The following TRPC3 variants were observed in gnomAD, a reference collection of about 807,000 sequenced individuals.
TRPC3 encodes the protein short transient receptor potential channel 3.
In TRPC3, 54 loss-of-function variants were observed where a neutral mutation model predicts 90.9. That is an observed-to-expected ratio of 0.59 (90% CI 0.48 to 0.75). TRPC3 has a LOEUF of 0.75. Ranked by LOEUF, TRPC3 falls within the 30% of genes least tolerant of loss-of-function variation. TRPC3 has a pLI of 0.00. For missense variants in TRPC3, 918 were observed against 1,194.5 expected (o/e 0.77, Z 3.41); for synonymous variants, 424 against 450.9 (o/e 0.94, Z 0.75).
At chr4:121,897,959 G>T (rs182861062) in intron 10 of TRPC3, among the ~76,000 whole-genome samples, 1 of 152,144 alleles carries the variant, frequency 6.6e-6, no homozygotes, top group East Asian at 1.9e-4. Flanking sequence ...ACAACGGAAT[G>T]CAATTCAGCT....
At chr4:121,908,596 A>T (rs1209040428) in intron 6 of TRPC3, among the ~76,000 whole-genome samples, 1 of 152,180 alleles carries the variant, frequency 6.6e-6, no homozygotes, top group African/African-American at 2.4e-5. Context: ...ATGCAGCTGG[A>T]GGCCATTATC....
rs1311377991 is a variant in TRPC3 at position 121,951,777 on chromosome 4, C to A, written c.-97G>T. The A allele has an allele frequency of 7.4e-6, 8 of 1,076,716 alleles. No homozygotes were observed. The highest frequency in any genetic ancestry group is 3.5e-5 in the South Asian group (1 of 28,230). The allele number at this position is 1,076,716 out of a possible 1,614,324, so 66.7% of individuals were successfully genotyped here. ...CCCGCGGCGCCCCTTCACCACCTCC[C>A]GCGGCTTCCGGGGCCCCGGGCGGCC... On this transcript the variant is annotated 5_prime_UTR_variant, in exon 1 of 12. Coordinates refer to ENST00000379645, the MANE Select transcript of TRPC3 (RefSeq NM_001130698.2). The surrounding 1 kb of genome is among the most constrained non-coding windows in gnomAD (Gnocchi z 4.4).
Position 121,875,925 on chromosome 4 carries a change from T to C in TRPC3, c.*3811A>G, listed in dbSNP as rs2706800. ...TTTTTTTTTTTTTTTTTGTGGGGGG[T>C]GGTTCACTTTGTCACCCAGGCTGGA... On this transcript the variant is annotated 3_prime_UTR_variant, in exon 12 of 12. Coordinates refer to ENST00000379645, the MANE Select transcript of TRPC3 (RefSeq NM_001130698.2). Among the ~76,000 whole-genome samples the C allele has an allele frequency of 1.1e-5, 1 of 87,472 alleles. No individual in the cohort carries two copies. Among genetic ancestry groups the C allele is most frequent in the Non-Finnish European group, 2.3e-5 (1 of 43,842 alleles). The allele number at this position is 87,472 out of a possible 152,430, so 57.4% of individuals were successfully genotyped here.
chr4:121,884,641 G>A (rs940533494), intron 10 of TRPC3, among the ~76,000 whole-genome samples: 1 of 152,194 alleles, frequency 6.6e-6, no homozygotes, highest in Non-Finnish European at 1.5e-5. Flanking sequence ...GATTCAAAAT[G>A]TTATGCAGAG....
chr4:121,919,743 C>T (rs1461324351), intron 3 of TRPC3, among the ~76,000 whole-genome samples: 1 of 152,168 alleles, frequency 6.6e-6, no homozygotes, highest in Non-Finnish European at 1.5e-5. Flanking sequence ...GGCTTTTCTA[C>T]ATTTAAATCT....
chr4:121,947,085 A>C (rs1730516904), intron 1 of TRPC3, among the ~76,000 whole-genome samples: 1 of 150,554 alleles, frequency 6.6e-6, no homozygotes, highest in Admixed American at 6.7e-5. Flanking sequence ...TGGGAGGCTA[A>C]GATTTGAGGA....
intron 1 of TRPC3, among the ~76,000 whole-genome samples, chr4:121,935,736 GT>G (rs1261719588): frequency 6.6e-6 from 1 of 151,922 alleles, no homozygotes; most frequent in African/African-American, 2.4e-5. Context: ...ACTCAGAGGG[GT>G]TACCTTTGGG....
intron 2 of TRPC3, among the ~76,000 whole-genome samples, chr4:121,931,598 A>G (rs1172922454): frequency 6.6e-6 from 1 of 152,208 alleles, no homozygotes; most frequent in Non-Finnish European, 1.5e-5. Flanking sequence ...TGCTGTCCTC[A>G]TATTTCTAGA....
intron 10 of TRPC3, among the ~76,000 whole-genome samples, chr4:121,884,486 A>G (rs1728044029): frequency 6.6e-6 from 1 of 152,204 alleles, no homozygotes; most frequent in African/African-American, 2.4e-5. Flanking sequence ...TAAGCATGTA[A>G]CAAATGTTGT....
chr4:121,950,357 G>C (rs1730673019), intron 1 of TRPC3, among the ~76,000 whole-genome samples: 2 of 152,182 alleles, frequency 1.3e-5, no homozygotes, highest in African/African-American at 2.4e-5. Context: ...CGGCAGCAGG[G>C]GGCGCTGCAG....
At position 121,904,315 on chromosome 4, in the gene TRPC3, G is replaced by A. The variant is rs761278288; in HGVS notation, c.2253+7C>T. On this transcript the variant is annotated splice_region_variant and intron_variant, in intron 8 of 11. Transcript: ENST00000379645. ...GGATAGATACTATGGATAGAAAACC[G>A]ATTTACCTCAATTTCTTGATATGAG... 5.6e-6 allele frequency: 9 copies of A among 1,596,146 alleles called. No homozygotes were observed. In the Admixed American group the frequency reaches 7.3e-5, roughly 13 times the overall value.
chr4:121,886,347 G>A (rs546494834), intron 10 of TRPC3, among the ~76,000 whole-genome samples: 2 of 152,184 alleles, frequency 1.3e-5, no homozygotes, highest in Non-Finnish European at 1.5e-5. Context: ...TGTGAATGAA[G>A]GGTAATAAGA....
intron 1 of TRPC3, among the ~76,000 whole-genome samples, chr4:121,937,914 G>A (rs913546500): frequency 3.3e-5 from 5 of 151,250 alleles, no homozygotes; most frequent in African/African-American, 1.2e-4. Flanking sequence ...CCTGTTTTAA[G>A]TTATTTGAGA....
intron 1 of TRPC3, among the ~76,000 whole-genome samples, chr4:121,941,057 G>A (rs1316585687): frequency 1.3e-5 from 2 of 152,152 alleles, no homozygotes; most frequent in East Asian, 3.8e-4. Flanking sequence ...ACTTTATCAT[G>A]ATGCTGCTAG....
chr4:121,880,659 A>G (rs191430146), intron 11 of TRPC3, among the ~76,000 whole-genome samples: 1 of 152,276 alleles, frequency 6.6e-6, no homozygotes, highest in East Asian at 1.9e-4. Flanking sequence ...AAGAAAAGAA[A>G]AGAAACACTG....
Position 121,932,652 on chromosome 4 carries a change from G to A in TRPC3, c.606C>T (p.Ala202=), listed in dbSNP as rs1729984012. 1 of 1,612,388 alleles carries A rather than the reference G, an allele frequency of 6.2e-7. No homozygotes were observed. Among genetic ancestry groups the A allele is most frequent in the Non-Finnish European group, 8.5e-7 (1 of 1,178,810 alleles). The part of the protein sequence containing the change: ...EAILNHPGFA[A]SKRLTLSPCE... ...AGGGGCTCAGAGTGAGACGCTTGCT[G>A]GCCGCGAAGCCAGGGTGGTTGAGGA... The change falls in exon 2 of 12, where the codon GCC becomes GCT. Residue 202 remains alanine (A), a synonymous_variant. Coordinates refer to ENST00000379645, the MANE Select transcript of TRPC3 (RefSeq NM_001130698.2). This position sits in a 1 kb window ranked among gnomAD's most constrained non-coding sequence, Gnocchi z 7.7.
At chr4:121,916,608 G>A (rs1045310041) in intron 3 of TRPC3, among the ~76,000 whole-genome samples, 1 of 152,160 alleles carries the variant, frequency 6.6e-6, no homozygotes, top group Non-Finnish European at 1.5e-5. Flanking sequence ...CACCATGTGA[G>A]GATACAATGA....
rs1051026198 is a variant in TRPC3, at chr4:121,879,704, G to A, written c.*32C>T. ...TAGAAATATTATTGCCCACATTTGT[G>A]CTATAGTCAAAGCCAAATCCAGGTT... On this transcript the variant is annotated 3_prime_UTR_variant, in exon 12 of 12. Transcript: ENST00000379645. 1 of 1,590,094 alleles carries A rather than the reference G, an allele frequency of 6.3e-7. No individual in the cohort carries two copies. Among genetic ancestry groups the A allele is most frequent in the South Asian group, 1.2e-5 (1 of 85,050 alleles).
At chr4:121,907,659 G>C (rs570535867) in intron 6 of TRPC3, 92 bp from the exon 7 acceptor site, 1 of 1,389,482 alleles carries the variant, frequency 7.2e-7, no homozygotes, top group South Asian at 1.5e-5. Context: ...CTATCTTGTA[G>C]GTAGGTGGTT....
Sources: allele counts gnomAD v4.1 joint callset (sites outside exome capture counted in the v4.1 genomes callset), GRCh38; gene constraint gnomAD v4.1.1; non-coding constraint Gnocchi (gnomAD v3.1); transcripts MANE v1.5; gene names NCBI Gene and HGNC (gene_info 2026-07-23, HGNC 2026-07-21).